TRPC3: variants seen among roughly 807,000 people sequenced by gnomAD.
TRPC3 encodes transient receptor potential cation channel subfamily C member 3.
A neutral mutation model predicts 90.9 loss-of-function variants in TRPC3; 54 were observed. That is an observed-to-expected ratio of 0.59 (90% CI 0.48 to 0.75). The LOEUF (loss-of-function observed/expected upper bound fraction) is 0.75, where lower values mean the gene tolerates loss of function less well. Among genes scored for constraint, TRPC3 ranks in the 30% least tolerant of loss-of-function variants. The probability of loss-of-function intolerance (pLI) is 0.00; values close to 1 mark genes in which losing one functional copy is unlikely to be tolerated. For missense variants in TRPC3, 918 were observed against 1,194.5 expected (o/e 0.77, Z 3.41); for synonymous variants, 424 against 450.9 (o/e 0.94, Z 0.75).
At chr4:121,933,114 T>A (rs907123866) in intron 1 of TRPC3, 72 bp from the exon 2 acceptor site, 4 of 1,488,188 alleles carry the variant, frequency 2.7e-6, no homozygotes, top group Admixed American at 2.4e-5. Flanking sequence ...GTCAGGGCCC[T>A]TTCTGGAATA....
At position 121,925,212 on chromosome 4, in the gene TRPC3, A is replaced by G. The variant is rs1729661283; in HGVS notation, c.988-6T>C. ...GAGAGCTTCCGATAGTCATTCTAAG[A>G]ACAAGAGGTTTAGTGTTTTAACACA... On this transcript the variant is annotated splice_region_variant and splice_polypyrimidine_tract_variant and intron_variant, in intron 2 of 11. Transcript: ENST00000379645. 6.2e-7 allele frequency: 1 copy of G among 1,605,118 alleles called. No homozygotes were observed. The highest frequency in any genetic ancestry group is 1.7e-5 in the Admixed American group (1 of 57,834).
At chr4:121,946,043 C>G (rs1012514957) in intron 1 of TRPC3, among the ~76,000 whole-genome samples, 1 of 151,998 alleles carries the variant, frequency 6.6e-6, no homozygotes, top group South Asian at 2.1e-4. Context: ...ACACAAAAAG[C>G]AAGCACTGGA....
intron 10 of TRPC3, among the ~76,000 whole-genome samples, chr4:121,885,380 A>G (rs1490589182): frequency 6.6e-6 from 1 of 152,124 alleles, no homozygotes; most frequent in East Asian, 1.9e-4. Flanking sequence ...TGTTTTTACC[A>G]CTTTAGCTGC....
chr4:121,938,598 C>T (rs139158305), intron 1 of TRPC3, among the ~76,000 whole-genome samples: 1 of 152,318 alleles, frequency 6.6e-6, no homozygotes, highest in Non-Finnish European at 1.5e-5. Flanking sequence ...TCATATTTAA[C>T]TCTCATAACA....
chr4:121,934,119 G>T (rs547800008), intron 1 of TRPC3, among the ~76,000 whole-genome samples: 3 of 152,286 alleles, frequency 2.0e-5, no homozygotes, highest in African/African-American at 7.2e-5. Context: ...CATTATCAAA[G>T]TTATGTCAAT....
chr4:121,910,696 A>C (rs1729053186), intron 5 of TRPC3, among the ~76,000 whole-genome samples: 1 of 152,168 alleles, frequency 6.6e-6, no homozygotes, highest in Non-Finnish European at 1.5e-5. Context: ...AAAGAAGGAA[A>C]GGAAATAAGG....
intron 4 of TRPC3, among the ~76,000 whole-genome samples, chr4:121,913,434 C>A (rs993424163): frequency 2.0e-5 from 3 of 152,150 alleles, no homozygotes; most frequent in Non-Finnish European, 2.9e-5. Context: ...CTGGGAATGG[C>A]TCAACTTCCA....
intron 2 of TRPC3, among the ~76,000 whole-genome samples, chr4:121,931,068 T>C (rs1729901906): frequency 6.6e-6 from 1 of 152,190 alleles, no homozygotes. Context: ...AAAATGAGCA[T>C]TGATGGATAT....
In TRPC3 at chr4:121,878,319, T is replaced by G. The variant is rs1192304582; in HGVS notation, c.*1417A>C. Among the ~76,000 whole-genome samples the G allele has an allele frequency of 6.6e-6, 1 of 152,244 alleles. No homozygotes were observed. The highest frequency in any genetic ancestry group is 1.5e-5 in the Non-Finnish European group (1 of 68,034). On this transcript the variant is annotated 3_prime_UTR_variant, in exon 12 of 12. Transcript: ENST00000379645. ...CATTTAACACTTATTTCTGTCTTCA[T>G]GTCTAAAGAGCTTTTCTGCATGATA...
chr4:121,928,455 C>T (rs1345309118), intron 2 of TRPC3, among the ~76,000 whole-genome samples: 1 of 152,184 alleles, frequency 6.6e-6, no homozygotes, highest in Non-Finnish European at 1.5e-5. Flanking sequence ...CTAAGAACAG[C>T]CTCTCTTCAG....
Position 121,879,887 on chromosome 4 carries a change from T to C in TRPC3, c.2624-9A>G. ...GATTTCTTTTAATTCACCTATAGTA[T>C]TGATATTAAAAAATTATTGGTAAGT... On this transcript the variant is annotated splice_polypyrimidine_tract_variant and intron_variant, in intron 11 of 11. Transcript: ENST00000379645. 1 of 1,525,428 alleles carries C rather than the reference T, an allele frequency of 6.6e-7. No individual in the cohort carries two copies. Among genetic ancestry groups the C allele is most frequent in the Non-Finnish European group, 8.7e-7 (1 of 1,145,488 alleles). 94.5% of individuals were successfully genotyped at this position (1,525,428 alleles called of 1,614,324 possible).
rs1446989827 is a variant in TRPC3 at position 121,882,353 on chromosome 4, C to T, written c.2623+1G>A. 6 of 1,606,700 alleles carry T rather than the reference C, an allele frequency of 3.7e-6. No individual in the cohort carries two copies. The highest frequency in any genetic ancestry group is 5.1e-6 in the Non-Finnish European group (6 of 1,177,446). On this transcript the variant is annotated splice_donor_variant, in intron 11 of 11. Coordinates refer to ENST00000379645, the MANE Select transcript of TRPC3 (RefSeq NM_001130698.2). LOFTEE classifies it high-confidence loss of function. ...ATATTTTTTAAGTTGGAGATGCTTA[C>T]CTTCATTAACTTCATCATTTTCTTT...
At chr4:121,915,075 G>A in intron 3 of TRPC3, 131 bp from the exon 4 acceptor site, 2 of 727,298 alleles carry the variant, frequency 2.7e-6, no homozygotes, top group Non-Finnish European at 4.0e-6. Flanking sequence ...TATTGGTACT[G>A]GAAGGTTCTG....
intron 10 of TRPC3, 37 bp from the exon 11 acceptor site, chr4:121,882,466 T>C (rs1727976238): frequency 6.3e-7 from 1 of 1,581,468 alleles, no homozygotes; most frequent in South Asian, 1.1e-5. Context: ...TCTCCAATGA[T>C]ATACATAAGT....
At chr4:121,921,630 T>C (rs1264722485) in intron 3 of TRPC3, among the ~76,000 whole-genome samples, 1 of 151,260 alleles carries the variant, frequency 6.6e-6, no homozygotes, top group Non-Finnish European at 1.5e-5. Flanking sequence ...TTGATTTGAA[T>C]AAATATGAGT....
chr4:121,951,555 GC>G lies in TRPC3; in HGVS notation c.125del (p.Gly42AlafsTer39). On this transcript the variant is annotated frameshift_variant, in exon 1 of 12. Coordinates refer to ENST00000379645, the MANE Select transcript of TRPC3 (RefSeq NM_001130698.2). LOFTEE classifies it high-confidence loss of function. This position sits in a 1 kb window ranked among gnomAD's most constrained non-coding sequence, Gnocchi z 4.4. The part of the protein sequence containing the change: ...EPQRRRRGWR[G>X]VNGGLEPRSA... ...AGCGCGGCTCCAGCCCCCCGTTGAC[GC>G]CCCTCCAGCCCCGGCGGCGGCGCTG... 1 of 1,432,990 alleles carries G rather than the reference GC, an allele frequency of 7.0e-7. No homozygotes were observed. The highest frequency in any genetic ancestry group is 9.2e-7 in the Non-Finnish European group (1 of 1,090,048). 88.8% of individuals were successfully genotyped at this position (1,432,990 alleles called of 1,614,324 possible).
chr4:121,934,371 T>C (rs943089598), intron 1 of TRPC3, among the ~76,000 whole-genome samples: 2 of 152,194 alleles, frequency 1.3e-5, no homozygotes, highest in African/African-American at 4.8e-5. Flanking sequence ...TTGGTGGCTA[T>C]TAAAATGTTG....
intron 4 of TRPC3, among the ~76,000 whole-genome samples, chr4:121,914,087 G>A (rs977596275): frequency 1.3e-5 from 2 of 152,182 alleles, no homozygotes; most frequent in African/African-American, 4.8e-5. Flanking sequence ...TCCACATCTT[G>A]CTAGGGGATC....
At chr4:121,909,412 A>G (rs1278563392) in intron 6 of TRPC3, among the ~76,000 whole-genome samples, 1 of 152,114 alleles carries the variant, frequency 6.6e-6, no homozygotes, top group African/African-American at 2.4e-5. Flanking sequence ...TTTCTAAAGT[A>G]TTTTCCAGAT....
Sources: allele counts gnomAD v4.1 joint callset (sites outside exome capture counted in the v4.1 genomes callset), GRCh38; gene constraint gnomAD v4.1.1; non-coding constraint Gnocchi (gnomAD v3.1); transcripts MANE v1.5; gene names NCBI Gene and HGNC (gene_info 2026-07-23, HGNC 2026-07-21).